The following SHANK1 variants were observed in gnomAD, a reference collection of about 807,000 sequenced individuals.
The protein encoded by SHANK1 is SH3 and multiple ankyrin repeat domains protein 1.
In SHANK1, 35 loss-of-function variants were observed where a neutral mutation model predicts 165.6. The observed-to-expected ratio is 0.21, with a 90% CI of 0.16 to 0.28. SHANK1 has a LOEUF of 0.28. Among genes scored for constraint, SHANK1 ranks in the 10% least tolerant of loss-of-function variants. SHANK1 has a pLI of 1.00. For missense variants in SHANK1, 2,681 were observed against 3,036.4 expected, an observed-to-expected ratio of 0.88 and a Z score of 2.75; for synonymous variants, 1,428 against 1,384.8, an observed-to-expected ratio of 1.03 and a Z score of -0.69.
intron 15 of SHANK1, among the ~76,000 whole-genome samples, chr19:50,694,004 C>T (rs886451970): frequency 1.4e-5 from 2 of 147,076 alleles, no homozygotes; most frequent in Non-Finnish European, 3.0e-5. Context: ...TGGGACAGAC[C>T]CACTCCAGCA....
At position 50,667,229 on chromosome 19, in the gene SHANK1, G is replaced by C. The variant is rs766577644; in HGVS notation, c.4731C>G (p.Phe1577Leu). The change falls in exon 23 of 24, where the codon TTC (phenylalanine) becomes TTG (leucine). Residue 1577 changes from phenylalanine to leucine, a missense_variant. This residue lies in a region of SHANK1 where 1,713 missense variants were observed against 1,630.2 expected (regional missense o/e 1.05). Coordinates refer to ENST00000293441, the MANE Select transcript of SHANK1 (RefSeq NM_016148.5). This position sits in a 1 kb window ranked among gnomAD's most constrained non-coding sequence, Gnocchi z 5.7. Reference protein sequence around the residue: ...LPPPLEFSNSFEKPESPLTPG... With the variant: ...LPPPLEFSNSLEKPESPLTPG... Reference sequence around the variant, plus strand: ...GCGTGAGGGGCGACTCTGGCTTTTCGAAGCTGTTGGAGAATTCCAGAGGCG... The same window carrying C: ...GCGTGAGGGGCGACTCTGGCTTTTCCAAGCTGTTGGAGAATTCCAGAGGCG... 3 of 1,587,248 alleles carry C rather than the reference G, an allele frequency of 1.9e-6. No individual in the cohort carries two copies. Among genetic ancestry groups the C allele is most frequent in the Non-Finnish European group, 1.7e-6 (2 of 1,174,468 alleles).
At position 50,714,024 on chromosome 19, in the gene SHANK1, C is replaced by T. The variant is rs543456787; in HGVS notation, c.641-75G>A. On this transcript the variant is annotated intron_variant, in intron 5 of 23. Transcript: ENST00000293441. The stretch of plus-strand genomic sequence containing the variant: ...ATCCCTTCCCATTTTCCAGGCTCTG[C>T]AGCTCTCCACCCCACAGCCTCTGGC... The T allele has an allele frequency of 4.5e-5, 71 of 1,578,528 alleles. 1 individual carries two copies. In the South Asian group the frequency reaches 4.7e-4, roughly 10 times the overall value.
rs778671274 is a variant in SHANK1, at chr19:50,666,677, C to T, written c.5283G>A (p.Ala1761=). Reference sequence around the variant, plus strand: ...GCCGCAGGCCTCCGCTGGCTCCTAGCGCCCGGCCCCGGAGCTTAGAGGGAG... The same window carrying T: ...GCCGCAGGCCTCCGCTGGCTCCTAGTGCCCGGCCCCGGAGCTTAGAGGGAG... ...LMTPSKLRGR[A]LGASGGLRPG... The change falls in exon 23 of 24, where the codon GCG becomes GCA. Residue 1761 remains alanine, a synonymous_variant. Transcript: ENST00000293441. 5 of 1,585,260 alleles carry T rather than the reference C, an allele frequency of 3.2e-6. No homozygotes were observed. The highest frequency in any genetic ancestry group is 4.6e-5 in the East Asian group (2 of 43,808).
In SHANK1 at chr19:50,667,268, C is replaced by T. The variant is rs1171113540; in HGVS notation, c.4692G>A (p.Val1564=). ...ATTCCAGAGGCGGAGGCAGCGGTTC[C>T]ACGAAAAGGAATTCGCCATCTTCCA... The part of the protein sequence containing the change: ...VDVEDGEFLF[V]EPLPPPLEFS... Residue 1564 remains valine, a synonymous_variant, in exon 23 of 24, where the codon GTG becomes GTA. Transcript: ENST00000293441. This position sits in a 1 kb window ranked among gnomAD's most constrained non-coding sequence, Gnocchi z 5.7. 6.3e-7 allele frequency: 1 copy of T among 1,596,582 alleles called. No individual in the cohort carries two copies. Among genetic ancestry groups the T allele is most frequent in the Non-Finnish European group, 8.5e-7 (1 of 1,178,808 alleles).
Position 50,702,706 on chromosome 19 carries a change from G to A in SHANK1, c.1554-46C>T, listed in dbSNP as rs1436514067. ...AGAGGAGGGGAGGGTGGAGGGAGGG[G>A]ACACCTCTGGGAGGACAGGGGTCCT... is the stretch of plus-strand genomic sequence containing the variant. On this transcript the variant is annotated intron_variant, in intron 11 of 23. Transcript: ENST00000293441. The surrounding 1 kb of genome is among the most constrained non-coding windows in gnomAD (Gnocchi z 5.3). The A allele has an allele frequency of 3.9e-6, 5 of 1,282,298 alleles. No homozygotes were observed. The highest frequency in any genetic ancestry group is 5.3e-6 in the Non-Finnish European group (5 of 941,422). The allele number at this position is 1,282,298 out of a possible 1,614,324, so 79.4% of individuals were successfully genotyped here.
rs762972518 is a variant in SHANK1 at position 50,686,723 on chromosome 19, A to G, written c.2458+21T>C. On this transcript the variant is annotated intron_variant, in intron 20 of 23. Transcript: ENST00000293441. This position sits in a 1 kb window ranked among gnomAD's most constrained non-coding sequence, Gnocchi z 5.7. ...GGGGCTGGGGCCCGGCATCCCGAGG[A>G]GCAGGGCTGGGCCGTCTTACTGAGA... The G allele has an allele frequency of 1.2e-6, 2 of 1,610,442 alleles. No homozygotes were observed. Among genetic ancestry groups the G allele is most frequent in the Non-Finnish European group, 8.5e-7 (1 of 1,177,524 alleles).
At chr19:50,674,624 G>A (rs1474369960) in intron 21 of SHANK1, among the ~76,000 whole-genome samples, 1 of 152,088 alleles carries the variant, frequency 6.6e-6, no homozygotes, top group African/African-American at 2.4e-5. Flanking sequence ...CCCCCCTAGA[G>A]CAGCCACTAG....
In SHANK1 at chr19:50,686,952, G is replaced by C. The variant is rs1285089073; in HGVS notation, c.2390-140C>G. 2 of 1,349,676 alleles carry C rather than the reference G, an allele frequency of 1.5e-6. No homozygotes were observed. The allele number at this position is 1,349,676 out of a possible 1,614,324, so 83.6% of individuals were successfully genotyped here. The stretch of plus-strand genomic sequence containing the variant: ...GGGGCAGTGAGGGGCCGGGGTCAGG[G>C]AGGGGCGAGTCCGCCGGCGGGGTCG... On this transcript the variant is annotated intron_variant, in intron 19 of 23. Transcript: ENST00000293441. The surrounding 1 kb of genome is among the most constrained non-coding windows in gnomAD (Gnocchi z 5.7).
intron 21 of SHANK1, among the ~76,000 whole-genome samples, chr19:50,674,095 A>AT (rs35496340): frequency 0.47 from 68,208 of 143,714 alleles, 15,909 homozygotes; most frequent in Admixed American, 0.55. Flanking sequence ...GTGTTGGCCT[A>AT]TTTTTTTTTT....
At chr19:50,676,755 A>T (rs751249508) in intron 21 of SHANK1, among the ~76,000 whole-genome samples, 1 of 152,178 alleles carries the variant, frequency 6.6e-6, no homozygotes, top group Non-Finnish European at 1.5e-5. Context: ...TTGGTAAGAA[A>T]ATGCCAATCT....
Position 50,666,674 on chromosome 19 carries a change from T to C in SHANK1, c.5286A>G (p.Leu1762=), listed in dbSNP as rs1326574583. ...CAGGCCGCAGGCCTCCGCTGGCTCC[T>C]AGCGCCCGGCCCCGGAGCTTAGAGG... ...MTPSKLRGRA[L]GASGGLRPGP... is the part of the protein sequence containing the mutation. The change falls in exon 23 of 24, where the codon CTA becomes CTG. Residue 1762 remains leucine (L), a synonymous_variant. Coordinates refer to ENST00000293441, the MANE Select transcript of SHANK1 (RefSeq NM_016148.5). 6.3e-7 allele frequency: 1 copy of C among 1,586,374 alleles called. No homozygotes were observed. Among genetic ancestry groups the C allele is most frequent in the Admixed American group, 1.8e-5 (1 of 56,008 alleles).
intron 12 of SHANK1, among the ~76,000 whole-genome samples, chr19:50,699,881 A>G (rs1339555870): frequency 1.8e-4 from 22 of 123,760 alleles, no homozygotes; most frequent in African/African-American, 1.9e-4. Context: ...GCATTGGAGG[A>G]TTGGAGGGCT....
At position 50,668,362 on chromosome 19, in the gene SHANK1, G is replaced by C; in HGVS notation, c.3598C>G (p.Pro1200Ala). 1 of 1,264,110 alleles carries C rather than the reference G, an allele frequency of 7.9e-7. No homozygotes were observed. The highest frequency in any genetic ancestry group is 9.9e-7 in the Non-Finnish European group (1 of 1,005,168). The allele number at this position is 1,264,110 out of a possible 1,614,324, so 78.3% of individuals were successfully genotyped here. Residue 1200 changes from proline (P) to alanine (A), a missense_variant, in exon 23 of 24, where the codon CCC becomes GCC. Physicochemically the swap from Pro to Ala is conservative, Grantham distance 27 (BLOSUM62 -1). This residue lies in a region of SHANK1 where 1,713 missense variants were observed against 1,630.2 expected (regional missense o/e 1.05). Transcript: ENST00000293441. ...GGGGGGSSPS[P>A]APAMSPVPPS... is the part of the protein sequence containing the mutation. ...GGCACGGGTGACATGGCCGGGGCGG[G>C]GCTGGGCGAGGAGCCGCCGCCGCCG...
intron 23 of SHANK1, among the ~76,000 whole-genome samples, chr19:50,665,910 C>T (rs1273252694): frequency 8.3e-6 from 1 of 120,234 alleles, no homozygotes. Context: ...GCATGGGAGG[C>T]TGAGGCAGGA....
In SHANK1 at chr19:50,687,951, C is replaced by G. The variant is rs201942719; in HGVS notation, c.2280G>C (p.Pro760=). The change falls in exon 18 of 24, where the codon CCG becomes CCC. Residue 760 remains proline (P), a synonymous_variant. Transcript: ENST00000293441. The stretch of plus-strand genomic sequence containing the variant: ...TCTTGTGCACTGCCTCATCCATGTC[C>G]GGGTGCCTGGTGACCATCACCACCT... ...MVKVVMVTRH[P]DMDEAVHKKA... 12 of 1,614,078 alleles carry G rather than the reference C, an allele frequency of 7.4e-6. 1 individual carries two copies. The South Asian group carries it at 1.3e-4, about 18-fold the overall frequency.
Position 50,666,262 on chromosome 19 carries a change from C to T in SHANK1, c.5698G>A (p.Gly1900Arg). ...ALPWARGGSGGGGDSHHGGAS... is the reference protein window; with the variant it reads ...ALPWARGGSGRGGDSHHGGAS... ...CCCCCGTGGTGGCTGTCTCCGCCTC[C>T]CCCACTGCCTCCTCGGGCCCAGGGC... The change falls in exon 23 of 24, where the codon GGA (glycine) becomes AGA (arginine). Residue 1900 changes from glycine (G) to arginine (R), a missense_variant. Physicochemically the swap from Gly to Arg is moderately radical, Grantham distance 125. Coordinates refer to ENST00000293441, the MANE Select transcript of SHANK1 (RefSeq NM_016148.5). 5 of 1,610,880 alleles carry T rather than the reference C, an allele frequency of 3.1e-6. No homozygotes were observed. Among genetic ancestry groups the T allele is most frequent in the Non-Finnish European group, 4.2e-6 (5 of 1,179,048 alleles).
chr19:50,709,335 A>G (rs974949333), intron 8 of SHANK1, among the ~76,000 whole-genome samples: 6 of 151,658 alleles, frequency 4.0e-5, no homozygotes, highest in South Asian at 2.1e-4. Flanking sequence ...TAGAGACGGG[A>G]TTTCAGCGTG....
intron 22 of SHANK1, 62 bp from the exon 23 acceptor site, chr19:50,669,347 A>G: frequency 8.8e-7 from 1 of 1,132,786 alleles, no homozygotes. Context: ...CTGCTCCACT[A>G]TCCCATAGAA....
At chr19:50,675,684 G>A (rs187129594) in intron 21 of SHANK1, among the ~76,000 whole-genome samples, 60 of 152,294 alleles carry the variant, frequency 3.9e-4, no homozygotes, top group African/African-American at 1.3e-3. Flanking sequence ...GTAAGAGGGA[G>A]GAGAGAGGGA....
Sources: allele counts gnomAD v4.1 joint callset (sites outside exome capture counted in the v4.1 genomes callset), GRCh38; gene constraint gnomAD v4.1.1; regional missense constraint gnomAD v4.1.1; non-coding constraint Gnocchi (gnomAD v3.1); transcripts MANE v1.5; gene names NCBI Gene and HGNC (gene_info 2026-07-23, HGNC 2026-07-21).